Variants in NUMB observed in about 807,000 individuals in gnomAD.
The protein encoded by NUMB is protein numb homolog.
A neutral mutation model predicts 59.7 loss-of-function variants in NUMB; 29 were observed. The observed-to-expected ratio is 0.49, with a 90% CI of 0.36 to 0.66. The LOEUF is 0.66. Ranked by LOEUF, NUMB falls within the 30% of genes least tolerant of loss-of-function variation. NUMB has a pLI of 0.00. For missense variants in NUMB, 723 were observed against 822.0 expected (o/e 0.88, Z 1.47); for synonymous variants, 288 against 288.2 (o/e 1.00, Z 0.01).
chr14:73,353,036 A>G (rs1390947900), intron 4 of NUMB, among the ~76,000 whole-genome samples: 1 of 147,816 alleles, frequency 6.8e-6, no homozygotes, highest in African/African-American at 2.5e-5. Context: ...AATAAACTGC[A>G]AAGAATTCAA....
intron 2 of NUMB, among the ~76,000 whole-genome samples, chr14:73,377,631 G>A (rs1322765794): frequency 2.0e-5 from 3 of 151,862 alleles, no homozygotes; most frequent in Non-Finnish European, 4.4e-5. Context: ...CAGAGACTCC[G>A]TCTCAAACAA....
chr14:73,313,148 A>G (rs1042869168), intron 6 of NUMB, among the ~76,000 whole-genome samples: 4 of 151,830 alleles, frequency 2.6e-5, no homozygotes, highest in Non-Finnish European at 1.5e-5. Flanking sequence ...CACCATGCCC[A>G]GCTAATTTTT....
intron 1 of NUMB, chr14:73,458,237 C>T (rs1884566239): frequency 6.5e-6 from 1 of 153,438 alleles, no homozygotes. Context: ...ACCTCCTGGC[C>T]TGACCCGCGC....
At chr14:73,401,563 A>ATTTTTTTTTTTTTTTTTTTTTTTTTTTTT (rs1164847403) in intron 2 of NUMB, among the ~76,000 whole-genome samples, 1 of 110,054 alleles carries the variant, frequency 9.1e-6, no homozygotes, top group African/African-American at 3.8e-5. Flanking sequence ...GTAAGACTAA[A>ATTTTTTTTTTTTTTTTTTTTTTTTTTTTT]TTTTTTTTTT....
chr14:73,367,668 C>T (rs538551096), intron 2 of NUMB, among the ~76,000 whole-genome samples: 18 of 150,550 alleles, frequency 1.2e-4, no homozygotes, highest in East Asian at 7.8e-4. Context: ...CCAACTACTC[C>T]GGAGGCTGAG....
intron 1 of NUMB, among the ~76,000 whole-genome samples, chr14:73,455,961 A>G (rs986202183): frequency 1.3e-5 from 2 of 152,330 alleles, no homozygotes; most frequent in Middle Eastern, 3.4e-3. Flanking sequence ...TCTCTGCCTC[A>G]GATTCCCTTA....
intron 2 of NUMB, among the ~76,000 whole-genome samples, chr14:73,406,291 G>C (rs1171457356): frequency 9.4e-5 from 12 of 127,592 alleles, no homozygotes; most frequent in African/African-American, 3.4e-4. Context: ...TCCCCTTCCT[G>C]TGTCCAAGTG....
chr14:73,279,809 G>A (rs1383098133), intron 11 of NUMB, among the ~76,000 whole-genome samples: 1 of 152,174 alleles, frequency 6.6e-6, no homozygotes, highest in Non-Finnish European at 1.5e-5. Context: ...AGTAGGTATA[G>A]CATTTCCCTC....
chr14:73,301,372 A>G (rs1353737634), intron 6 of NUMB, among the ~76,000 whole-genome samples: 1 of 152,222 alleles, frequency 6.6e-6, no homozygotes, highest in Non-Finnish European at 1.5e-5. Context: ...TCAGTTTAGA[A>G]TGGGACTGTT....
At position 73,279,972 on chromosome 14, in the gene NUMB, C is replaced by T. The variant is rs183923107; in HGVS notation, c.1097-548G>A. Among the ~76,000 whole-genome samples, 10 of 152,278 alleles carry T rather than the reference C, an allele frequency of 6.6e-5. No individual in the cohort carries two copies. The East Asian group carries it at 1.3e-3, about 21-fold the overall frequency. ...AGGAGTTCGAGACCAGCCTGGCCAA[C>T]GTGGCGAAACCCCGTCTCTACTAAA... On this transcript the variant is annotated intron_variant, in intron 11 of 12. Coordinates refer to ENST00000555238, the MANE Select transcript of NUMB (RefSeq NM_001005743.2).
At chr14:73,372,909 ACTTAT>A (rs1464539642) in intron 2 of NUMB, among the ~76,000 whole-genome samples, 1 of 151,978 alleles carries the variant, frequency 6.6e-6, no homozygotes, top group African/African-American at 2.4e-5. Flanking sequence ...ATACCATTTC[ACTTAT>A]CTTTAAGTGG....
At chr14:73,319,266 A>G (rs1308950354) in intron 5 of NUMB, among the ~76,000 whole-genome samples, 1 of 152,228 alleles carries the variant, frequency 6.6e-6, no homozygotes, top group Admixed American at 6.5e-5. Flanking sequence ...CCACTCCAAA[A>G]AAAATGAATA....
intron 2 of NUMB, among the ~76,000 whole-genome samples, chr14:73,375,101 T>G (rs1894886451): frequency 6.6e-6 from 1 of 152,140 alleles, no homozygotes; most frequent in African/African-American, 2.4e-5. Flanking sequence ...TGGCCTATAT[T>G]AACTTTTATC....
chr14:73,346,187 TTA>T lies in NUMB; in HGVS notation c.126+9437_126+9438del, dbSNP rs372289159. 1.5e-4 allele frequency among the ~76,000 whole-genome samples: 23 copies of T among 152,076 alleles called. No homozygotes were observed. The East Asian group carries it at 4.3e-3, about 28-fold the overall frequency. ...TAAAATCCCTTCTCCATTAAAAAAA[TTA>T]TCTCTGTAGGCTGGGTGCGGTGGCT... On this transcript the variant is annotated intron_variant, in intron 4 of 12. Coordinates refer to ENST00000555238, the MANE Select transcript of NUMB (RefSeq NM_001005743.2).
intron 4 of NUMB, among the ~76,000 whole-genome samples, chr14:73,352,475 CACATATATATAT>C (rs1893398788): frequency 5.8e-4 from 8 of 13,716 alleles, no homozygotes; most frequent in African/African-American, 9.7e-4. Flanking sequence ...CACACACACA[CACATATATATAT>C]ATATATATAT....
At chr14:73,340,561 C>CT (rs1892580188) in intron 4 of NUMB, among the ~76,000 whole-genome samples, 1 of 152,298 alleles carries the variant, frequency 6.6e-6, no homozygotes, top group Non-Finnish European at 1.5e-5. Flanking sequence ...CTGTTCTCTG[C>CT]TTTGTTGTTT....
chr14:73,333,129 T>C (rs997117437), intron 4 of NUMB, among the ~76,000 whole-genome samples: 4 of 152,210 alleles, frequency 2.6e-5, no homozygotes, highest in African/African-American at 4.8e-5. Flanking sequence ...ATATGGTAAT[T>C]CTATACTTAG....
intron 1 of NUMB, among the ~76,000 whole-genome samples, chr14:73,413,023 TAAAAC>T (rs1376539228): frequency 6.6e-6 from 1 of 152,074 alleles, no homozygotes; most frequent in East Asian, 1.9e-4. Flanking sequence ...AGTAGTAAAA[TAAAAC>T]AGGCTGTCTG....
intron 1 of NUMB, among the ~76,000 whole-genome samples, chr14:73,414,119 T>C (rs1427930523): frequency 2.0e-5 from 3 of 151,932 alleles, no homozygotes; most frequent in African/African-American, 7.3e-5. Context: ...CACACTCGGC[T>C]AATATTTTTG....
Sources: allele counts gnomAD v4.1 joint callset (sites outside exome capture counted in the v4.1 genomes callset), GRCh38; gene constraint gnomAD v4.1.1; transcripts MANE v1.5; gene names NCBI Gene and HGNC (gene_info 2026-07-23, HGNC 2026-07-21).